The following ADARB2 variants were observed in gnomAD, a reference collection of about 807,000 sequenced individuals.
The protein encoded by ADARB2 is inactive double-stranded RNA-specific editase B2.
Under a neutral mutation model 62.2 loss-of-function variants are expected in ADARB2, and 25 were observed. That is an observed-to-expected ratio of 0.40 (90% CI 0.29 to 0.56). The LOEUF is 0.56. Among genes scored for constraint, ADARB2 ranks in the 20% least tolerant of loss-of-function variants. ADARB2 has a pLI of 0.43. For synonymous variants in ADARB2, 572 were observed against 500.8 expected, an observed-to-expected ratio of 1.14 and a Z score of -1.90; for missense variants, 1,071 against 1,077.4, an observed-to-expected ratio of 0.99 and a Z score of 0.08.
intron 3 of ADARB2, among the ~76,000 whole-genome samples, chr10:1,277,954 C>T (rs1564244531): frequency 1.3e-5 from 2 of 150,454 alleles, no homozygotes; most frequent in African/African-American, 4.9e-5. Context: ...CCTTCCTTCC[C>T]CTCTTTCTCT....
At chr10:1,409,211 TCCCACCTTCGTCGCCCCGCCCTGCCTGAC>T (rs1248061667) in intron 1 of ADARB2, among the ~76,000 whole-genome samples, 3 of 88,104 alleles carry the variant, frequency 3.4e-5, no homozygotes, top group African/African-American at 9.6e-5. Context: ...GACAGCGGGC[TCCCACCTTCGTCGCCCCGCCCTGCCTGAC>T]AGCGGGCTCC....
At chr10:1,439,750 C>T (rs1830881077) in intron 1 of ADARB2, among the ~76,000 whole-genome samples, 1 of 145,418 alleles carries the variant, frequency 6.9e-6, no homozygotes, top group South Asian at 2.2e-4. Context: ...GCAGGTCCTT[C>T]ATCATGGGGC....
intron 3 of ADARB2, among the ~76,000 whole-genome samples, chr10:1,273,147 A>T (rs1250215862): frequency 6.6e-6 from 1 of 152,138 alleles, no homozygotes; most frequent in Non-Finnish European, 1.5e-5. Flanking sequence ...ATCTGCAGAG[A>T]ACGTTTTCTC....
Position 1,271,147 on chromosome 10 carries a change from C to A in ADARB2, c.1078-78G>T. 4 of 1,154,594 alleles carry A rather than the reference C, an allele frequency of 3.5e-6. No individual in the cohort carries two copies. The South Asian group carries it at 5.4e-5, about 16-fold the overall frequency. The allele number at this position is 1,154,594 out of a possible 1,614,324, so 71.5% of individuals were successfully genotyped here. Reference sequence around the variant, plus strand: ...GATGATGGGGCACTGTCCTCCCCGTCCTCACAGCCTCATCCCCATGTGGCC... The same window carrying A: ...GATGATGGGGCACTGTCCTCCCCGTACTCACAGCCTCATCCCCATGTGGCC... On this transcript the variant is annotated intron_variant, in intron 3 of 9. Transcript: ENST00000381312.
intron 1 of ADARB2, among the ~76,000 whole-genome samples, chr10:1,424,020 G>A (rs1832873558): frequency 6.6e-6 from 1 of 152,180 alleles, no homozygotes; most frequent in Non-Finnish European, 1.5e-5. Flanking sequence ...TACTATGTAT[G>A]CAGTAGGTCC....
At chr10:1,575,039 T>TTGTAACAGGTAACAGGGCTGCAACAC (rs60683609) in intron 1 of ADARB2, among the ~76,000 whole-genome samples, 2 of 150,652 alleles carry the variant, frequency 1.3e-5, no homozygotes, top group Non-Finnish European at 3.0e-5. Flanking sequence ...GGCTGCAACA[T>TTGTAACAGGTAACAGGGCTGCAACAC]TGTAATAGGT....
rs1554757665 is a variant in ADARB2, at chr10:1,376,856, T to TGGTGGGGCAGGGG, written c.187+2205_187+2217dup. Among the ~76,000 whole-genome samples, 10 of 13,524 alleles carry TGGTGGGGCAGGGG rather than the reference T, an allele frequency of 7.4e-4. No individual in the cohort carries two copies. In the South Asian group the frequency reaches 8.4e-3, roughly 11 times the overall value. The allele number at this position is 13,524 out of a possible 152,430, so 8.9% of individuals were successfully genotyped here. On this transcript the variant is annotated intron_variant, in intron 2 of 9. Transcript: ENST00000381312. ...CAGGTCCACACGTCAGGCTCAGCTTTGGTGGGGCAGGGGGGTGGGTGGGGG... is the reference window on the plus strand; with the variant it reads ...CAGGTCCACACGTCAGGCTCAGCTTTGGTGGGGCAGGGGGGTGGGGCAGGGGGGTGGGTGGGGG...
At chr10:1,243,979 C>T (rs1234034010) in intron 4 of ADARB2, among the ~76,000 whole-genome samples, 6 of 152,228 alleles carry the variant, frequency 3.9e-5, no homozygotes, top group East Asian at 1.9e-4. Context: ...GAACAGGACA[C>T]GACCAGCCGC....
At chr10:1,732,123 G>A (rs542249756) in intron 1 of ADARB2, among the ~76,000 whole-genome samples, 1 of 152,058 alleles carries the variant, frequency 6.6e-6, no homozygotes, top group Non-Finnish European at 1.5e-5. Context: ...TTTGGAAAAA[G>A]AAGTAGGGGG....
chr10:1,397,842 G>GCCCT (rs1832628200), intron 1 of ADARB2, among the ~76,000 whole-genome samples: 1 of 81,882 alleles, frequency 1.2e-5, no homozygotes. Context: ...GTCACCATCA[G>GCCCT]CCTCTCCCCT....
At chr10:1,366,262 T>C (rs1480250303) in intron 2 of ADARB2, among the ~76,000 whole-genome samples, 1 of 152,172 alleles carries the variant, frequency 6.6e-6, no homozygotes, top group African/African-American at 2.4e-5. Context: ...GCTGGGGTGA[T>C]GAATGCATTT....
At chr10:1,228,539 TCTC>T (rs1830768148) in intron 6 of ADARB2, among the ~76,000 whole-genome samples, 1 of 152,222 alleles carries the variant, frequency 6.6e-6, no homozygotes, top group Non-Finnish European at 1.5e-5. Flanking sequence ...CACAGCATGT[TCTC>T]CTGGTGTGGG....
At position 1,678,296 on chromosome 10, in the gene ADARB2, G is replaced by A. The variant is rs1341442706; in HGVS notation, c.100+58755C>T. ...ACCTCGGGGTGAGCGTCCTCGGGGT[G>A]AGCATCCTCAGGGTGAGCGTCTTCA... On this transcript the variant is annotated intron_variant, in intron 1 of 9. Coordinates refer to ENST00000381312, the MANE Select transcript of ADARB2 (RefSeq NM_018702.4). 4.1e-6 allele frequency: 4 copies of A among 985,120 alleles called. No individual in the cohort carries two copies. The African/African-American group carries it at 5.2e-5, about 13-fold the overall frequency. 61.0% of individuals were successfully genotyped at this position (985,120 alleles called of 1,614,324 possible). A position where few individuals can be genotyped will look rare whatever the true frequency, so the allele number is the denominator to read the frequency against.
intron 8 of ADARB2, among the ~76,000 whole-genome samples, chr10:1,194,151 T>A (rs1328340509): frequency 6.6e-6 from 1 of 152,164 alleles, no homozygotes; most frequent in African/African-American, 2.4e-5. Flanking sequence ...CCAACTAGAT[T>A]AACTGCGAGA....
intron 3 of ADARB2, among the ~76,000 whole-genome samples, chr10:1,296,119 C>T (rs921281025): frequency 1.3e-5 from 2 of 152,182 alleles, no homozygotes; most frequent in African/African-American, 4.8e-5. Flanking sequence ...TGCCAGGGTC[C>T]AAGTCCACCT....
rs1302955306 is a variant in ADARB2, at chr10:1,183,172, C to T, written c.*21G>A. 3 of 1,609,482 alleles carry T rather than the reference C, an allele frequency of 1.9e-6. No homozygotes were observed. Among genetic ancestry groups the T allele is most frequent in the Non-Finnish European group, 8.5e-7 (1 of 1,177,804 alleles). ...ATCCCTCCAGCGTCCCGCTCAGCTC[C>T]AGCAGCCAGGAGCCCGCAGCCTAGA... is the stretch of plus-strand genomic sequence containing the variant. On this transcript the variant is annotated 3_prime_UTR_variant, in exon 10 of 10. Transcript: ENST00000381312.
At chr10:1,540,528 GTAGTT>G in intron 1 of ADARB2, among the ~76,000 whole-genome samples, 1 of 111,860 alleles carries the variant, frequency 8.9e-6, no homozygotes, top group African/African-American at 3.6e-5. Context: ...CCACTCAGAC[GTAGTT>G]CAGACCCTGG....
At chr10:1,228,998 G>C (rs967516741) in intron 6 of ADARB2, among the ~76,000 whole-genome samples, 3 of 152,142 alleles carry the variant, frequency 2.0e-5, no homozygotes, top group Non-Finnish European at 4.4e-5. Context: ...TCAGAATCTC[G>C]GCCAGAGTGC....
chr10:1,231,740 A>G (rs941029433), intron 6 of ADARB2, among the ~76,000 whole-genome samples: 1 of 152,172 alleles, frequency 6.6e-6, no homozygotes, highest in African/African-American at 2.4e-5. Context: ...AGAGAACCCT[A>G]TCCAGCCATG....
Sources: allele counts gnomAD v4.1 joint callset (sites outside exome capture counted in the v4.1 genomes callset), GRCh38; gene constraint gnomAD v4.1.1; transcripts MANE v1.5; gene names NCBI Gene and HGNC (gene_info 2026-07-23, HGNC 2026-07-21).